LARP1: variants seen among roughly 807,000 people sequenced by gnomAD.
LARP1 encodes the protein la-related protein 1.
LARP1 carries 36 observed loss-of-function variants against 122.7 expected under a neutral mutation model. The ratio of observed to expected loss-of-function variants is 0.29; its 90% CI spans 0.22 to 0.39. The LOEUF (loss-of-function observed/expected upper bound fraction) is 0.39. Ranked by LOEUF, LARP1 falls within the 10% of genes least tolerant of loss-of-function variation. The probability of loss-of-function intolerance (pLI) is 1.00; values close to 1 mark genes in which losing one functional copy is unlikely to be tolerated. For synonymous variants in LARP1, 539 were observed against 528.7 expected, an observed-to-expected ratio of 1.02 and a Z score of -0.27; for missense variants, 1,040 against 1,403.6, an observed-to-expected ratio of 0.74 and a Z score of 4.14.
intron 1 of LARP1, among the ~76,000 whole-genome samples, chr5:154,705,260 C>T (rs1754896747): frequency 6.6e-6 from 1 of 152,142 alleles, no homozygotes; most frequent in Non-Finnish European, 1.5e-5. Flanking sequence ...TACCAACTTA[C>T]ACCAGTCAGA....
At chr5:154,699,969 C>A (rs1754639816) in intron 1 of LARP1, among the ~76,000 whole-genome samples, 1 of 152,140 alleles carries the variant, frequency 6.6e-6, no homozygotes, top group Non-Finnish European at 1.5e-5. Context: ...ACTCTTATTC[C>A]CATCCAGAAC....
intron 8 of LARP1, among the ~76,000 whole-genome samples, chr5:154,798,675 G>A (rs1008073408): frequency 6.6e-6 from 1 of 152,126 alleles, no homozygotes; most frequent in Admixed American, 6.5e-5. Flanking sequence ...TTTACGATTT[G>A]TAGTGATAGA....
At chr5:154,792,886 G>A in intron 4 of LARP1, 90 bp downstream of exon 4, 2 of 1,310,038 alleles carry the variant, frequency 1.5e-6, no homozygotes, top group Non-Finnish European at 2.1e-6. Flanking sequence ...GGAGCTTTAG[G>A]TGCCACCTCT....
intron 1 of LARP1, among the ~76,000 whole-genome samples, chr5:154,772,380 G>T (rs925371311): frequency 1.3e-5 from 2 of 152,120 alleles, no homozygotes; most frequent in African/African-American, 4.8e-5. Flanking sequence ...ATTGGATAGC[G>T]TATTTCAAGT....
chr5:154,779,170 C>G (rs1319026623), intron 1 of LARP1, among the ~76,000 whole-genome samples: 1 of 152,024 alleles, frequency 6.6e-6, no homozygotes, highest in Non-Finnish European at 1.5e-5. Context: ...ATTAATAGTT[C>G]AGGAAAGTGA....
intron 1 of LARP1, among the ~76,000 whole-genome samples, chr5:154,726,658 A>G (rs1487667986): frequency 1.3e-5 from 2 of 152,358 alleles, no homozygotes; most frequent in East Asian, 3.9e-4. Context: ...GCATATTAAC[A>G]CAGCTGAAAA....
At chr5:154,715,142 T>A (rs1451672788) in intron 1 of LARP1, among the ~76,000 whole-genome samples, 1 of 150,600 alleles carries the variant, frequency 6.6e-6, no homozygotes, top group Non-Finnish European at 1.5e-5. Context: ...ATCACGACAC[T>A]GCACTCCAGC....
chr5:154,719,637 G>A (rs1225876691), intron 1 of LARP1, among the ~76,000 whole-genome samples: 1 of 152,104 alleles, frequency 6.6e-6, no homozygotes. Flanking sequence ...CGAGGTAGGT[G>A]GATCACATGA....
At chr5:154,758,539 A>T (rs1222682143) in intron 1 of LARP1, among the ~76,000 whole-genome samples, 1 of 152,018 alleles carries the variant, frequency 6.6e-6, no homozygotes, top group Non-Finnish European at 1.5e-5. Context: ...CTAGATGATG[A>T]CCCTTTCTCT....
chr5:154,697,041 G>A (rs1222820109), intron 1 of LARP1, among the ~76,000 whole-genome samples: 2 of 152,144 alleles, frequency 1.3e-5, no homozygotes, highest in Non-Finnish European at 2.9e-5. Context: ...GGAGCAGAGA[G>A]TTGACTTTGA....
intron 1 of LARP1, among the ~76,000 whole-genome samples, chr5:154,772,045 C>G (rs945464974): frequency 1.6e-4 from 24 of 152,156 alleles, no homozygotes; most frequent in African/African-American, 5.1e-4. Flanking sequence ...AAAACAACCC[C>G]TTGGTAATCT....
At chr5:154,808,261 C>A (rs535728333) in intron 15 of LARP1, among the ~76,000 whole-genome samples, 198 bp from the exon 16 acceptor site, 2 of 152,326 alleles carry the variant, frequency 1.3e-5, no homozygotes, top group East Asian at 3.9e-4. Context: ...AGTACAGGCC[C>A]AGCTCCCAGC....
At chr5:154,729,698 G>T in intron 1 of LARP1, 1 of 317,174 alleles carries the variant, frequency 3.2e-6, no homozygotes, top group East Asian at 8.1e-5. Flanking sequence ...GGCATAATAG[G>T]TATTTAAAAA....
intron 18 of LARP1, among the ~76,000 whole-genome samples, 198 bp from the exon 19 acceptor site, chr5:154,813,688 AC>A (rs1355433818): frequency 3.9e-5 from 6 of 152,208 alleles, no homozygotes; most frequent in Non-Finnish European, 8.8e-5. Flanking sequence ...GGTGATGCTG[AC>A]CCCATGAGAG....
At chr5:154,758,249 A>G (rs1474936138) in intron 1 of LARP1, among the ~76,000 whole-genome samples, 1 of 152,150 alleles carries the variant, frequency 6.6e-6, no homozygotes, top group Admixed American at 6.6e-5. Flanking sequence ...GATCGTGGGA[A>G]GAAGACAGCT....
intron 1 of LARP1, among the ~76,000 whole-genome samples, chr5:154,745,361 G>A (rs975217096): frequency 6.6e-5 from 10 of 152,164 alleles, no homozygotes; most frequent in African/African-American, 1.9e-4. Context: ...CCTTCTTTGT[G>A]GGATTTGAAG....
chr5:154,706,841 C>T (rs144303573), intron 1 of LARP1, among the ~76,000 whole-genome samples: 9 of 152,116 alleles, frequency 5.9e-5, no homozygotes, highest in East Asian at 1.9e-4. Flanking sequence ...TTTATAACTG[C>T]GACAAACCAG....
rs1264208489 is a variant in LARP1 at position 154,815,954 on chromosome 5, C to G, written c.*1858C>G. On this transcript the variant is annotated 3_prime_UTR_variant, in exon 19 of 19. Coordinates refer to ENST00000518297, the MANE Select transcript of LARP1 (RefSeq NM_033551.3). The stretch of plus-strand genomic sequence containing the variant: ...TCCTGTTGCTTACTTACTGCAATGT[C>G]TTTGGCCCTCCTTTTCAACTGGTTC... The G allele has an allele frequency of 6.6e-6, 1 of 152,244 alleles. No individual in the cohort carries two copies. Among genetic ancestry groups the G allele is most frequent in the Admixed American group, 6.5e-5 (1 of 15,276 alleles). The allele number at this position is 152,244 out of a possible 1,614,324, so 9.4% of individuals were successfully genotyped here.
At chr5:154,809,929 G>A (rs1316550691) in intron 16 of LARP1, among the ~76,000 whole-genome samples, 2 of 151,798 alleles carry the variant, frequency 1.3e-5, no homozygotes, top group East Asian at 2.0e-4. Context: ...GGATGGTCTC[G>A]ATCTCCTGAC....
Sources: gnomAD v4.1 joint callset for allele counts (sites outside exome capture counted in the v4.1 genomes callset) on GRCh38, gnomAD v4.1.1 for gene constraint, MANE v1.5 for transcripts, NCBI Gene and HGNC (gene_info 2026-07-23, HGNC 2026-07-21) for gene names.